The following FAM107B variants were observed in gnomAD, a reference collection of about 807,000 sequenced individuals.
FAM107B encodes the protein family with sequence similarity 107 member B, also known as protein FAM107B.
A neutral mutation model predicts 31.5 loss-of-function variants in FAM107B; 21 were observed. That is an observed-to-expected ratio of 0.67 (90% CI 0.47 to 0.96). FAM107B has a LOEUF of 0.96. Ranked by LOEUF, FAM107B falls within the 40% of genes least tolerant of loss-of-function variation. FAM107B has a pLI of 0.00. For missense variants in FAM107B, 452 were observed against 377.1 expected (o/e 1.20, Z -1.64); for synonymous variants, 157 against 141.5 (o/e 1.11, Z -0.78).
chr10:14,617,394 C>T (rs781756707), intron 2 of FAM107B, among the ~76,000 whole-genome samples: 1 of 152,166 alleles, frequency 6.6e-6, no homozygotes, highest in Non-Finnish European at 1.5e-5. Flanking sequence ...CTCAAACTTG[C>T]AACAGGAAGT....
At chr10:14,606,969 G>A (rs959084756) in intron 2 of FAM107B, among the ~76,000 whole-genome samples, 5 of 152,186 alleles carry the variant, frequency 3.3e-5, no homozygotes, top group African/African-American at 4.8e-5. Flanking sequence ...CACTGGATTC[G>A]AGATTCTAAC....
At chr10:14,543,964 C>T (rs1025869502) in intron 2 of FAM107B, among the ~76,000 whole-genome samples, 2 of 152,078 alleles carry the variant, frequency 1.3e-5, no homozygotes, top group African/African-American at 2.4e-5. Flanking sequence ...ATTCACTCAC[C>T]CCTGTTCCCA....
intron 2 of FAM107B, among the ~76,000 whole-genome samples, chr10:14,611,076 G>A (rs1267781332): frequency 6.6e-6 from 1 of 152,168 alleles, no homozygotes; most frequent in Non-Finnish European, 1.5e-5. Flanking sequence ...ACTGAATGAT[G>A]CAAAGATCTG....
At chr10:14,731,108 C>T (rs1057332427) in intron 1 of FAM107B, among the ~76,000 whole-genome samples, 1 of 152,054 alleles carries the variant, frequency 6.6e-6, no homozygotes, top group African/African-American at 2.4e-5. Flanking sequence ...AACCAAAATC[C>T]AAAATTTGGA....
chr10:14,728,142 C>T (rs1856079088), intron 1 of FAM107B, among the ~76,000 whole-genome samples: 1 of 152,142 alleles, frequency 6.6e-6, no homozygotes, highest in Non-Finnish European at 1.5e-5. Flanking sequence ...TTGTGGGTGG[C>T]CTGAGAGCTG....
intron 2 of FAM107B, among the ~76,000 whole-genome samples, chr10:14,663,943 G>C (rs1854335761): frequency 6.9e-6 from 1 of 145,470 alleles, no homozygotes; most frequent in Non-Finnish European, 1.5e-5. Context: ...GTATCACTTG[G>C]AATCCAATTT....
At chr10:14,684,907 A>G (rs1290611360) in intron 1 of FAM107B, among the ~76,000 whole-genome samples, 1 of 151,628 alleles carries the variant, frequency 6.6e-6, no homozygotes, top group Non-Finnish European at 1.5e-5. Flanking sequence ...GGCAGCCTCA[A>G]TCTCCGGGGC....
Position 14,583,138 on chromosome 10 carries a change from G to A in FAM107B, c.470-52623C>T, listed in dbSNP as rs186176948. 1.8e-3 allele frequency among the ~76,000 whole-genome samples: 273 copies of A among 151,546 alleles called. 1 individual carries two copies. The highest frequency in any genetic ancestry group is 7.4e-3 in the Admixed American group (113 of 15,216). On this transcript the variant is annotated intron_variant, in intron 2 of 4. Coordinates refer to ENST00000181796, the MANE Select transcript of FAM107B (RefSeq NM_031453.4). ...AGAAAGAAAGCCAAAGCTGGTAAAC[G>A]GCAGACCTGGAAGGTGGGCCCGGCA...
At chr10:14,549,969 C>T (rs1197986549) in intron 2 of FAM107B, among the ~76,000 whole-genome samples, 2 of 152,190 alleles carry the variant, frequency 1.3e-5, no homozygotes, top group African/African-American at 4.8e-5. Context: ...TCGGGTGCCA[C>T]ATGTCTATAG....
chr10:14,546,414 GGATCA>G (rs1464913992), intron 2 of FAM107B, among the ~76,000 whole-genome samples: 1 of 152,166 alleles, frequency 6.6e-6, no homozygotes, highest in Admixed American at 6.5e-5. Flanking sequence ...CATTACCTCT[GGATCA>G]GTAACTGGAT....
intron 2 of FAM107B, among the ~76,000 whole-genome samples, chr10:14,545,568 G>T (rs912213941): frequency 2.0e-5 from 3 of 152,190 alleles, no homozygotes; most frequent in African/African-American, 7.2e-5. Context: ...AACACACAAG[G>T]CACCTGTTGC....
intron 2 of FAM107B, among the ~76,000 whole-genome samples, chr10:14,592,536 T>G (rs549823216): frequency 1.3e-5 from 2 of 152,346 alleles, no homozygotes; most frequent in African/African-American, 4.8e-5. Context: ...AATCCTGCAT[T>G]TCTACCCAGG....
Position 14,599,853 on chromosome 10 carries a change from CAA to C in FAM107B, c.469+67779_469+67780del, listed in dbSNP as rs35147350. On this transcript the variant is annotated intron_variant, in intron 2 of 4. Coordinates refer to ENST00000181796, the MANE Select transcript of FAM107B (RefSeq NM_031453.4). ...GGGATCACTGCTATTCCTTGATCTA[CAA>C]AAAAAAAAAAAAAAACTCTTTTCCA... Among the ~76,000 whole-genome samples, 271 of 126,006 alleles carry C rather than the reference CAA, an allele frequency of 2.2e-3. 1 individual carries two copies. Among genetic ancestry groups the C allele is most frequent in the African/African-American group, 6.5e-3 (206 of 31,744 alleles). 82.7% of individuals were successfully genotyped at this position (126,006 alleles called of 152,430 possible).
At chr10:14,684,692 G>C (rs1854930036) in intron 1 of FAM107B, among the ~76,000 whole-genome samples, 1 of 152,246 alleles carries the variant, frequency 6.6e-6, no homozygotes, top group African/African-American at 2.4e-5. Flanking sequence ...TCAAAACTGA[G>C]ACACACTTTT....
At position 14,518,906 on chromosome 10, in the gene FAM107B, C is replaced by A. The variant is rs1246109213; in HGVS notation, c.*2284G>T. ...CAAAGCACAAAACTGCTCAGATGTT[C>A]AAGAGTCCTAGGAGTTTGGGCTGCA... On this transcript the variant is annotated 3_prime_UTR_variant, in exon 5 of 5. Transcript: ENST00000181796. 6.6e-6 allele frequency: 1 copy of A among 152,586 alleles called. No individual in the cohort carries two copies. Among genetic ancestry groups the A allele is most frequent in the Non-Finnish European group, 1.5e-5 (1 of 68,042 alleles). The allele number at this position is 152,586 out of a possible 1,614,324, so 9.5% of individuals were successfully genotyped here.
intron 1 of FAM107B, among the ~76,000 whole-genome samples, chr10:14,696,098 T>C (rs1855259691): frequency 6.6e-6 from 1 of 152,238 alleles, no homozygotes; most frequent in South Asian, 2.1e-4. Flanking sequence ...CCATTTATTA[T>C]AACATTAGCT....
chr10:14,562,786 C>T (rs78008522), intron 2 of FAM107B, among the ~76,000 whole-genome samples: 2,892 of 152,334 alleles, frequency 0.019, 97 homozygotes, highest in African/African-American at 0.066. Context: ...ACTCACACCA[C>T]TGGCAAACAG....
chr10:14,531,387 G>C (rs1846977052), intron 2 of FAM107B, among the ~76,000 whole-genome samples: 1 of 152,202 alleles, frequency 6.6e-6, no homozygotes, highest in South Asian at 2.1e-4. Flanking sequence ...GGGCATAGTG[G>C]TACATGCCTA....
intron 1 of FAM107B, among the ~76,000 whole-genome samples, chr10:14,683,652 A>T (rs1392879878): frequency 6.6e-6 from 1 of 152,254 alleles, no homozygotes; most frequent in Non-Finnish European, 1.5e-5. Flanking sequence ...CATTAGAAAT[A>T]TCATATGGAG....
Sources: gnomAD v4.1 joint callset for allele counts (sites outside exome capture counted in the v4.1 genomes callset) on GRCh38, gnomAD v4.1.1 for gene constraint, MANE v1.5 for transcripts, NCBI Gene and HGNC (gene_info 2026-07-23, HGNC 2026-07-21) for gene names.